The following PPP2R1B variants were observed in gnomAD, a reference collection of about 807,000 sequenced individuals.
PPP2R1B encodes protein phosphatase 2 scaffold subunit Abeta.
Under a neutral mutation model 72.7 loss-of-function variants are expected in PPP2R1B, and 58 were observed. That is an observed-to-expected ratio of 0.80 (90% confidence interval 0.65 to 0.99). The LOEUF (loss-of-function observed/expected upper bound fraction) is 0.99, where lower values mean the gene tolerates loss of function less well. Among genes scored for constraint, PPP2R1B ranks in the 50% least tolerant of loss-of-function variants. The probability of loss-of-function intolerance (pLI) is 0.00; values close to 1 mark genes in which losing one functional copy is unlikely to be tolerated. For synonymous variants in PPP2R1B, 256 were observed against 264.6 expected (o/e 0.97, Z 0.32); for missense variants, 695 against 733.6 (o/e 0.95, Z 0.61).
At chr11:111,737,774 G>T, downstream of PPP2R1B, 6 of 1,323,408 alleles carry the variant, frequency 4.5e-6, no homozygotes, top group Non-Finnish European at 6.0e-6. Context: ...CGGGGCCCTG[G>T]AAAGCGCCAC....
At chr11:111,719,628 T>C in the PPP2R1B span, 1 of 810,628 alleles carries the variant, frequency 1.2e-6, no homozygotes. Context: ...ACTTCTAATC[T>C]ATGTGTTGTC....
chr11:111,717,001 G>A, the PPP2R1B span, among the ~76,000 whole-genome samples: 1 of 152,030 alleles, frequency 6.6e-6, no homozygotes, highest in Admixed American at 6.6e-5. Flanking sequence ...ACCTCATACA[G>A]CCAACAAACA....
the PPP2R1B span, among the ~76,000 whole-genome samples, chr11:111,714,916 A>G: frequency 6.6e-6 from 1 of 152,204 alleles, no homozygotes; most frequent in East Asian, 1.9e-4. Flanking sequence ...CATTTATTTT[A>G]AAGATGTAAT....
downstream of PPP2R1B, chr11:111,737,424 G>T (rs764818862): frequency 1.2e-5 from 19 of 1,614,022 alleles, no homozygotes; most frequent in Non-Finnish European, 1.4e-5. Flanking sequence ...GGCAGGACTT[G>T]ACCCCAGGCT....
chr11:111,740,372 C>T lies in PPP2R1B; in HGVS notation c.*1224G>A. On this transcript the variant is annotated 3_prime_UTR_variant, in exon 15 of 15. Coordinates refer to ENST00000527614, the MANE Select transcript of PPP2R1B (RefSeq NM_002716.5). ...AGCTGGGACTACAGGTGTGTGCCAC[C>T]ACGCCCAGCTAACTTTTTTGTATTT... 1 of 879,118 alleles carries T rather than the reference C, an allele frequency of 1.1e-6. No individual in the cohort carries two copies. Among genetic ancestry groups the T allele is most frequent in the Non-Finnish European group, 1.4e-6 (1 of 733,474 alleles). The allele number at this position is 879,118 out of a possible 1,614,324, so 54.5% of individuals were successfully genotyped here.
At chr11:111,698,027 T>C in the PPP2R1B span, among the ~76,000 whole-genome samples, 5 of 151,788 alleles carry the variant, frequency 3.3e-5, no homozygotes, top group Non-Finnish European at 7.4e-5. Context: ...TATATAAATA[T>C]AACATTTGAA....
chr11:111,754,555 A>C lies in PPP2R1B; in HGVS notation c.973T>G (p.Leu325Val). ...ATGGTCTCTCTATCTTCAATGGGCA[A>C]GTTCTCACCAAGTTCTAAAAGATAA... ...AHKVKELGEN[L>V]PIEDRETIIM... Residue 325 changes from leucine to valine, a missense_variant, in exon 8 of 15, where the codon TTG (leucine) becomes GTG (valine). By Grantham distance (32) the Leu-to-Val change is conservative (BLOSUM62 1). Transcript: ENST00000527614. 1.2e-6 allele frequency: 2 copies of C among 1,604,620 alleles called. No homozygotes were observed. The highest frequency in any genetic ancestry group is 2.7e-5 in the African/African-American group (2 of 74,478).
At position 111,753,590 on chromosome 11, in the gene PPP2R1B, C is replaced by T. The variant is rs781997476; in HGVS notation, c.1030-13G>A. 3.8e-5 allele frequency: 60 copies of T among 1,595,376 alleles called. No homozygotes were observed. The highest frequency in any genetic ancestry group is 1.7e-4 in the Middle Eastern group (1 of 5,994). On this transcript the variant is annotated splice_polypyrimidine_tract_variant and intron_variant, in intron 8 of 14. Coordinates refer to ENST00000527614, the MANE Select transcript of PPP2R1B (RefSeq NM_002716.5). ...CGGATACTAATTCCTAAAATAAAAT[C>T]GAAATTAAAAGCCTTTATTACAAGA...
chr11:111,690,996 CA>C, the PPP2R1B span, among the ~76,000 whole-genome samples: 1 of 152,138 alleles, frequency 6.6e-6, no homozygotes, highest in Non-Finnish European at 1.5e-5. Context: ...GTAGGAATTA[CA>C]AAGTGCTGTC....
rs555917667 is a variant in PPP2R1B, at chr11:111,748,154, G to A, written c.1339-140C>T. ...CAAATAAGAGATAGAAACACCACAG[G>A]AATTACAAACAAACCATAAATCTAT... On this transcript the variant is annotated intron_variant, in intron 10 of 14. Transcript: ENST00000527614. 3.5e-5 allele frequency: 23 copies of A among 649,282 alleles called. No homozygotes were observed. The South Asian group carries it at 4.6e-4, about 13-fold the overall frequency. The allele number at this position is 649,282 out of a possible 1,614,324, so 40.2% of individuals were successfully genotyped here.
downstream of PPP2R1B, chr11:111,735,475 T>A (rs1243477181): frequency 6.6e-6 from 1 of 152,200 alleles, no homozygotes; most frequent in East Asian, 1.9e-4. Context: ...GCACCCTGTG[T>A]CCCGTCCAGG....
At chr11:111,743,667 A>C (rs1423168767) in intron 11 of PPP2R1B, 137 bp from the exon 12 acceptor site, 2 of 1,066,856 alleles carry the variant, frequency 1.9e-6, no homozygotes, top group African/African-American at 3.2e-5. Context: ...ATCATGCTGC[A>C]ATGACAAGCA....
At chr11:111,741,740 TTACTC>T in intron 14 of PPP2R1B, 128 bp from the exon 15 acceptor site, 1 of 1,087,502 alleles carries the variant, frequency 9.2e-7, no homozygotes, top group Non-Finnish European at 1.3e-6. Context: ...GTTACTGTCT[TTACTC>T]AGCCAGGCTA....
At chr11:111,702,974 G>A in the PPP2R1B span, among the ~76,000 whole-genome samples, 1 of 151,692 alleles carries the variant, frequency 6.6e-6, no homozygotes, top group Non-Finnish European at 1.5e-5. Flanking sequence ...GTTTCCTTTA[G>A]CCCAGAATCT....
chr11:111,734,922 T>C (rs1944295815), downstream of PPP2R1B, among the ~76,000 whole-genome samples: 1 of 152,214 alleles, frequency 6.6e-6, no homozygotes, highest in Non-Finnish European at 1.5e-5. Context: ...GTGAGGTTCC[T>C]GAGCTGCAGA....
At chr11:111,715,894 C>T in the PPP2R1B span, among the ~76,000 whole-genome samples, 1 of 149,746 alleles carries the variant, frequency 6.7e-6, no homozygotes, top group Admixed American at 6.7e-5. Context: ...CTCCGCCCCC[C>T]GGGTTCAAGC....
downstream of PPP2R1B, among the ~76,000 whole-genome samples, chr11:111,733,551 G>A (rs1944256370): frequency 2.6e-5 from 4 of 152,124 alleles, no homozygotes; most frequent in Admixed American, 2.0e-4. Context: ...GAAATGCCCC[G>A]AGTGGGGCTG....
At chr11:111,724,613 G>A (rs1943912463), downstream of PPP2R1B, 1 of 160,108 alleles carries the variant, frequency 6.2e-6, no homozygotes, top group Non-Finnish European at 1.4e-5. Flanking sequence ...AGATGCACAG[G>A]AAATAAAGGA....
chr11:111,694,509 G>A, the PPP2R1B span, among the ~76,000 whole-genome samples: 2 of 152,060 alleles, frequency 1.3e-5, no homozygotes, highest in African/African-American at 2.4e-5. Flanking sequence ...ATGACCTTGA[G>A]TCAAGGTTTC....
Sources: gnomAD v4.1 joint callset for allele counts (sites outside exome capture counted in the v4.1 genomes callset) on GRCh38, gnomAD v4.1.1 for gene constraint, MANE v1.5 for transcripts, NCBI Gene and HGNC (gene_info 2026-07-23, HGNC 2026-07-21) for gene names.